The following DHX30 variants were observed in gnomAD, a reference collection of about 807,000 sequenced individuals.
The protein encoded by DHX30 is ATP-dependent RNA helicase DHX30.
In DHX30, 4 loss-of-function variants were observed where a neutral mutation model predicts 116.9. The observed-to-expected ratio is 0.03, with a 90% CI of 0.02 to 0.08. DHX30 has a LOEUF of 0.08. Ranked by LOEUF, DHX30 falls within the 10% of genes least tolerant of loss-of-function variation. The probability of loss-of-function intolerance (pLI) is 1.00; values close to 1 mark genes in which losing one functional copy is unlikely to be tolerated. For missense variants in DHX30, 871 were observed against 1,595.1 expected, an observed-to-expected ratio of 0.55 and a Z score of 7.73; for synonymous variants, 697 against 651.7, an observed-to-expected ratio of 1.07 and a Z score of -1.06.
intron 4 of DHX30, among the ~76,000 whole-genome samples, chr3:47,819,925 C>G (rs536839679): frequency 6.6e-6 from 1 of 152,308 alleles, no homozygotes; most frequent in Non-Finnish European, 1.5e-5. Context: ...GATGACACTT[C>G]TGGCAGGATC....
rs759550719 is a variant in DHX30, at chr3:47,823,996, CT to C, written c.125-3327del. 9.1e-3 allele frequency among the ~76,000 whole-genome samples: 915 copies of C among 100,404 alleles called. 7 individuals are homozygous for C. Among genetic ancestry groups the C allele is most frequent in the East Asian group, 0.038 (129 of 3,384 alleles). The allele number at this position is 100,404 out of a possible 152,430, so 65.9% of individuals were successfully genotyped here. On this transcript the variant is annotated intron_variant, in intron 4 of 21. Coordinates refer to ENST00000445061, the MANE Select transcript of DHX30 (RefSeq NM_138615.3). ...AGCTTTCAGATACCATTTTCTTTTC[CT>C]TTTTTTTTTTTTTTTTTTTTTTTGA...
chr3:47,824,581 G>A (rs1246638592), intron 4 of DHX30, among the ~76,000 whole-genome samples: 2 of 151,882 alleles, frequency 1.3e-5, no homozygotes, highest in African/African-American at 4.8e-5. Flanking sequence ...CATGAGCCAC[G>A]GCGCCTGGCC....
intron 5 of DHX30, among the ~76,000 whole-genome samples, chr3:47,827,899 C>G (rs576062199): frequency 6.6e-6 from 1 of 152,190 alleles, no homozygotes; most frequent in South Asian, 2.1e-4. Flanking sequence ...CTCTCTGTCA[C>G]CCAGGCTGGA....
chr3:47,840,325 T>C (rs1233779406), intron 6 of DHX30, among the ~76,000 whole-genome samples: 1 of 151,546 alleles, frequency 6.6e-6, no homozygotes, highest in Non-Finnish European at 1.5e-5. Context: ...CTGTATTTAC[T>C]GAAGCTTCCT....
chr3:47,824,391 A>C (rs2036442008), intron 4 of DHX30, among the ~76,000 whole-genome samples: 1 of 152,142 alleles, frequency 6.6e-6, no homozygotes, highest in Non-Finnish European at 1.5e-5. Context: ...CTTCCCCTCC[A>C]GCCCTGGGGA....
intron 3 of DHX30, chr3:47,816,130 T>A (rs773777428): frequency 1.0e-6 from 1 of 984,136 alleles, no homozygotes; most frequent in Non-Finnish European, 1.2e-6. Context: ...TAACTCTATG[T>A]ATGTTTTCTG....
At chr3:47,813,820 C>T (rs2035909036) in intron 3 of DHX30, among the ~76,000 whole-genome samples, 1 of 151,382 alleles carries the variant, frequency 6.6e-6, no homozygotes, top group African/African-American at 2.4e-5. Flanking sequence ...ATGTCCCTGC[C>T]TCCTTGTGTA....
intron 6 of DHX30, among the ~76,000 whole-genome samples, chr3:47,833,869 A>G (rs1186737969): frequency 6.6e-6 from 1 of 152,082 alleles, no homozygotes; most frequent in African/African-American, 2.4e-5. Flanking sequence ...CAAAAAAGAA[A>G]AAAAATGTAT....
intron 3 of DHX30, among the ~76,000 whole-genome samples, chr3:47,814,429 C>CAAAAAAAAAAAAA (rs71625837): frequency 1.1e-5 from 1 of 92,628 alleles, no homozygotes; most frequent in Non-Finnish European, 2.0e-5. Context: ...TGTCTCAAAA[C>CAAAAAAAAAAAAA]AAAAAAAAAA....
intron 2 of DHX30, among the ~76,000 whole-genome samples, chr3:47,810,016 C>T (rs143462923): frequency 1.3e-5 from 2 of 152,152 alleles, no homozygotes; most frequent in Non-Finnish European, 2.9e-5. Flanking sequence ...GCAAAATGCA[C>T]CAAAACTTTT....
chr3:47,836,157 G>A (rs975331407), intron 6 of DHX30, among the ~76,000 whole-genome samples: 1 of 152,098 alleles, frequency 6.6e-6, no homozygotes, highest in Non-Finnish European at 1.5e-5. Context: ...TTTCTCTTTC[G>A]CCCAGGCTAG....
intron 4 of DHX30, chr3:47,825,187 G>A (rs1268483566): frequency 3.0e-6 from 2 of 660,838 alleles, no homozygotes; most frequent in Non-Finnish European, 5.5e-6. Flanking sequence ...GGAAGCCGCC[G>A]AGGCCGAGTC....
chr3:47,818,251 T>C lies in DHX30; in HGVS notation c.124+134T>C, dbSNP rs953322981. On this transcript the variant is annotated intron_variant, in intron 4 of 21. Coordinates refer to ENST00000445061, the MANE Select transcript of DHX30 (RefSeq NM_138615.3). ...AGGAAGGGTGGGATTAGCAGAGCTA[T>C]TGGAGCCCTGAGGGAGAAATTACTT... 18 of 657,556 alleles carry C rather than the reference T, an allele frequency of 2.7e-5. No individual in the cohort carries two copies. In the South Asian group the frequency reaches 3.0e-4, roughly 11 times the overall value. The allele number at this position is 657,556 out of a possible 1,614,324, so 40.7% of individuals were successfully genotyped here.
At chr3:47,821,432 ATT>A (rs991804627) in intron 4 of DHX30, among the ~76,000 whole-genome samples, 3 of 151,048 alleles carry the variant, frequency 2.0e-5, no homozygotes, top group African/African-American at 7.3e-5. Context: ...TGCCTGGCTA[ATT>A]TTTTGTATTT....
chr3:47,841,014 G>A lies in DHX30; in HGVS notation c.504G>A (p.Leu168=). The A allele has an allele frequency of 6.2e-7, 1 of 1,614,224 alleles. No individual in the cohort carries two copies. The highest frequency in any genetic ancestry group is 8.5e-7 in the Non-Finnish European group (1 of 1,180,038). Reference sequence around the variant, plus strand: ...TGCCCCCTACTTCCTGGCGGCAGCTGAATCCAGAGAGTATTCGACCAGGGG... The same window carrying A: ...TGCCCCCTACTTCCTGGCGGCAGCTAAATCCAGAGAGTATTCGACCAGGGG... ...PTMPPTSWRQ[L]NPESIRPGGP... is the part of the protein sequence containing the mutation. The change falls in exon 7 of 22, where the codon CTG becomes CTA. Residue 168 remains leucine, a synonymous_variant. Coordinates refer to ENST00000445061, the MANE Select transcript of DHX30 (RefSeq NM_138615.3).
rs753357583 is a variant in DHX30, at chr3:47,847,288, G to A, written c.1945G>A (p.Ala649Thr). ...CCCACCCCAGTCTGAGGATGAATGCGCACTCGATTTGGACCTTGTGACTGA... is the reference window on the plus strand; with the variant it reads ...CCCACCCCAGTCTGAGGATGAATGCACACTCGATTTGGACCTTGTGACTGA... ...HRHHESEDEC[A>T]LDLDLVTDLV... is the part of the protein sequence containing the mutation. Residue 649 changes from alanine to threonine, a missense_variant, in exon 12 of 22, where the codon GCA becomes ACA. Physicochemically the swap from Ala to Thr is moderately conservative, Grantham distance 58. This residue lies in a region of DHX30 where 61 missense variants were observed against 106.7 expected (regional missense o/e 0.57). Coordinates refer to ENST00000445061, the MANE Select transcript of DHX30 (RefSeq NM_138615.3). The surrounding 1 kb of genome is among the most constrained non-coding windows in gnomAD (Gnocchi z 5.5). 30 of 1,614,106 alleles carry A rather than the reference G, an allele frequency of 1.9e-5. No individual in the cohort carries two copies. The highest frequency in any genetic ancestry group is 3.3e-4 in the Middle Eastern group (2 of 6,084).
chr3:47,803,342 G>A, intron 1 of DHX30, 130 bp downstream of exon 1: 1 of 378,086 alleles, frequency 2.6e-6, no homozygotes, highest in Non-Finnish European at 4.7e-6. Flanking sequence ...AGACGCCGGC[G>A]GGCCCGAGGA....
Position 47,849,931 on chromosome 3 carries a change from G to A in DHX30, c.3396G>A (p.Ser1132=), listed in dbSNP as rs1229707914. ...DSDLLRLEGD[S]RTVRLLKELR... is the part of the protein sequence containing the mutation. ...ACCTGCTGCGGCTGGAGGGTGACTCGCGTACCGTGCGGCTGCTGAAGGAGC... is the reference window on the plus strand; with the variant it reads ...ACCTGCTGCGGCTGGAGGGTGACTCACGTACCGTGCGGCTGCTGAAGGAGC... The change falls in exon 22 of 22, where the codon TCG becomes TCA. Residue 1132 remains serine (S), a synonymous_variant. Coordinates refer to ENST00000445061, the MANE Select transcript of DHX30 (RefSeq NM_138615.3). The A allele has an allele frequency of 6.8e-6, 11 of 1,613,290 alleles. No individual in the cohort carries two copies. The highest frequency in any genetic ancestry group is 2.2e-5 in the East Asian group (1 of 44,880).
At chr3:47,818,705 C>T (rs990549971) in intron 4 of DHX30, among the ~76,000 whole-genome samples, 1 of 152,114 alleles carries the variant, frequency 6.6e-6, no homozygotes, top group East Asian at 1.9e-4. Context: ...CTATCAGTAC[C>T]CAGGGATGGC....
Sources: allele counts gnomAD v4.1 joint callset (sites outside exome capture counted in the v4.1 genomes callset), GRCh38; gene constraint gnomAD v4.1.1; regional missense constraint gnomAD v4.1.1; non-coding constraint Gnocchi (gnomAD v3.1); transcripts MANE v1.5; gene names NCBI Gene and HGNC (gene_info 2026-07-23, HGNC 2026-07-21).